The following RNF144A variants were observed in gnomAD, a reference collection of about 807,000 sequenced individuals.
The protein encoded by RNF144A is E3 ubiquitin-protein ligase RNF144A.
A neutral mutation model predicts 38.7 loss-of-function variants in RNF144A; 11 were observed. The ratio of observed to expected loss-of-function variants is 0.28; its 90% CI spans 0.18 to 0.47. RNF144A has a LOEUF of 0.47. Among genes scored for constraint, RNF144A ranks in the 20% least tolerant of loss-of-function variants. RNF144A has a pLI of 0.99. For synonymous variants in RNF144A, 149 were observed against 143.9 expected (o/e 1.04, Z -0.25); for missense variants, 316 against 377.2 (o/e 0.84, Z 1.34).
At chr2:6,966,074 A>G (rs945493004) in intron 2 of RNF144A, among the ~76,000 whole-genome samples, 4 of 152,230 alleles carry the variant, frequency 2.6e-5, no homozygotes, top group Non-Finnish European at 5.9e-5. Context: ...CTTAGCCCAT[A>G]TATTTCACAG....
rs971622816 is a variant in RNF144A, at chr2:7,034,588, G to A, written c.747+4373G>A. Among the ~76,000 whole-genome samples, 422 of 152,342 alleles carry A rather than the reference G, an allele frequency of 2.8e-3. 6 individuals are homozygous for A. Among genetic ancestry groups the A allele is most frequent in the African/African-American group, 5.5e-4 (23 of 41,586 alleles). On this transcript the variant is annotated intron_variant, in intron 8 of 8. Coordinates refer to ENST00000320892, the MANE Select transcript of RNF144A (RefSeq NM_014746.6). ...AAGTGCAGTGCTGTGAAGGACACCT[G>A]GTAGCACCAGGTGCCTTTGTGGCAC...
intron 2 of RNF144A, among the ~76,000 whole-genome samples, chr2:6,942,826 A>G (rs1022214388): frequency 6.6e-6 from 1 of 152,222 alleles, no homozygotes; most frequent in African/African-American, 2.4e-5. Context: ...TCTACTAAAA[A>G]TATAAAAATC....
chr2:6,948,123 G>T (rs1666456970), intron 2 of RNF144A, among the ~76,000 whole-genome samples: 1 of 152,210 alleles, frequency 6.6e-6, no homozygotes, highest in Non-Finnish European at 1.5e-5. Context: ...ATACCAGCAA[G>T]CTCTGTTGCT....
At chr2:6,997,511 A>T (rs186446653) in intron 3 of RNF144A, among the ~76,000 whole-genome samples, 2 of 152,224 alleles carry the variant, frequency 1.3e-5, no homozygotes, top group African/African-American at 4.8e-5. Flanking sequence ...TAGATATTTT[A>T]AAATCACATT....
At chr2:6,953,598 T>G (rs894456588) in intron 2 of RNF144A, among the ~76,000 whole-genome samples, 4 of 152,232 alleles carry the variant, frequency 2.6e-5, no homozygotes, top group Non-Finnish European at 4.4e-5. Flanking sequence ...ATCTTTTTAT[T>G]ATCAATATCT....
chr2:7,057,292 C>T (rs1673779569), intron 6 of RNF144A, among the ~76,000 whole-genome samples: 1 of 152,202 alleles, frequency 6.6e-6, no homozygotes, highest in African/African-American at 2.4e-5. Context: ...TCTATTGCAG[C>T]ACCTGGTACC....
At chr2:6,998,062 G>A (rs1669872395) in intron 3 of RNF144A, among the ~76,000 whole-genome samples, 1 of 151,828 alleles carries the variant, frequency 6.6e-6, no homozygotes, top group Admixed American at 6.6e-5. Context: ...TTGTTCACTT[G>A]AAGTATAAAA....
intron 6 of RNF144A, chr2:7,062,897 C>A (rs1453153459): frequency 6.6e-6 from 1 of 152,166 alleles, no homozygotes; most frequent in Non-Finnish European, 1.5e-5. Flanking sequence ...TCTCCTTTCT[C>A]TAGAAACTCT....
chr2:7,062,485 A>G (rs1355920757), intron 6 of RNF144A, among the ~76,000 whole-genome samples: 1 of 140,750 alleles, frequency 7.1e-6, no homozygotes, highest in Admixed American at 7.3e-5. Context: ...TTTGAGAAAT[A>G]GTGCTGGGTG....
intron 2 of RNF144A, among the ~76,000 whole-genome samples, chr2:6,984,956 C>T (rs1668856938): frequency 1.3e-5 from 2 of 152,216 alleles, no homozygotes; most frequent in African/African-American, 4.8e-5. Flanking sequence ...TGTAAAGCAG[C>T]TGTTATCACC....
intron 7 of RNF144A, 140 bp downstream of exon 7, chr2:7,024,656 T>A (rs548834589): frequency 1.0e-6 from 1 of 977,298 alleles, no homozygotes; most frequent in African/African-American, 1.6e-5. Flanking sequence ...TTGGTGTTTC[T>A]CCTGGGTTTG....
At chr2:7,074,682 T>A in the RNF144A span, 3 of 152,236 alleles carry the variant, frequency 2.0e-5, no homozygotes, top group African/African-American at 7.2e-5. Context: ...TCTGTGTCTA[T>A]GTCACTCCTA....
chr2:6,945,446 T>C (rs1666274149), intron 2 of RNF144A, among the ~76,000 whole-genome samples: 1 of 152,244 alleles, frequency 6.6e-6, no homozygotes, highest in Non-Finnish European at 1.5e-5. Flanking sequence ...TTCTGTGCTC[T>C]AGGCTATGAT....
At chr2:6,994,875 G>T (rs890948882) in intron 2 of RNF144A, among the ~76,000 whole-genome samples, 6 of 152,130 alleles carry the variant, frequency 3.9e-5, no homozygotes, top group Non-Finnish European at 7.3e-5. Flanking sequence ...GCAGATCCCG[G>T]GCGGTCTTCA....
At chr2:6,957,754 A>G (rs1486423427) in intron 2 of RNF144A, among the ~76,000 whole-genome samples, 2 of 152,232 alleles carry the variant, frequency 1.3e-5, no homozygotes, top group Non-Finnish European at 2.9e-5. Context: ...TGAAAGGCAT[A>G]TTCTGAGAGC....
intron 6 of RNF144A, among the ~76,000 whole-genome samples, chr2:7,064,638 G>A (rs946188063): frequency 5.3e-5 from 8 of 152,150 alleles, no homozygotes; most frequent in Non-Finnish European, 7.3e-5. Flanking sequence ...CAATGAGCAC[G>A]GACCAACACA....
At chr2:6,935,501 T>C (rs1665512056) in intron 1 of RNF144A, among the ~76,000 whole-genome samples, 1 of 152,244 alleles carries the variant, frequency 6.6e-6, no homozygotes, top group East Asian at 1.9e-4. Flanking sequence ...CCTCTTTTCC[T>C]GTCTTTCCCG....
At chr2:7,029,571 G>A (rs1672144190) in intron 7 of RNF144A, among the ~76,000 whole-genome samples, 1 of 152,220 alleles carries the variant, frequency 6.6e-6, no homozygotes, top group African/African-American at 2.4e-5. Flanking sequence ...AAATCAAGTG[G>A]CCTGAGTGGA....
intron 2 of RNF144A, among the ~76,000 whole-genome samples, chr2:6,948,774 T>C (rs1189261134): frequency 1.3e-5 from 2 of 151,680 alleles, no homozygotes; most frequent in Non-Finnish European, 2.9e-5. Context: ...GGGAGTGGAG[T>C]GGATCATTTC....
Sources: allele counts gnomAD v4.1 joint callset (sites outside exome capture counted in the v4.1 genomes callset), GRCh38; gene constraint gnomAD v4.1.1; transcripts MANE v1.5; gene names NCBI Gene and HGNC (gene_info 2026-07-23, HGNC 2026-07-21).